The following TEC variants were observed in gnomAD, a reference collection of about 807,000 sequenced individuals.
TEC encodes tec protein tyrosine kinase, also known as tyrosine-protein kinase Tec.
A neutral mutation model predicts 93.0 loss-of-function variants in TEC; 72 were observed. That is an observed-to-expected ratio of 0.77 (90% confidence interval 0.64 to 0.94). TEC has a LOEUF of 0.94. TEC is among the 40% of genes least tolerant of loss of function. The pLI is 0.00. For synonymous variants in TEC, 249 were observed against 247.7 expected (o/e 1.01, Z -0.05); for missense variants, 630 against 757.9 (o/e 0.83, Z 1.98).
chr4:48,159,451 G>A (rs1720533788), intron 8 of TEC, among the ~76,000 whole-genome samples: 1 of 152,132 alleles, frequency 6.6e-6, no homozygotes, highest in Non-Finnish European at 1.5e-5. Context: ...GGAGTGCAGT[G>A]GCACGATCTC....
At chr4:48,163,101 T>C (rs944336645) in intron 8 of TEC, among the ~76,000 whole-genome samples, 2 of 152,138 alleles carry the variant, frequency 1.3e-5, no homozygotes, top group African/African-American at 2.4e-5. Context: ...TTATTGGACA[T>C]CCACGTGCCA....
At chr4:48,208,477 A>C (rs1006344082) in intron 2 of TEC, among the ~76,000 whole-genome samples, 1 of 152,074 alleles carries the variant, frequency 6.6e-6, no homozygotes, top group African/African-American at 2.4e-5. Flanking sequence ...CAAAAAAATG[A>C]ATTTGCCCAG....
intron 8 of TEC, among the ~76,000 whole-genome samples, chr4:48,157,668 A>C (rs955836662): frequency 6.6e-5 from 10 of 152,206 alleles, no homozygotes; most frequent in Admixed American, 5.9e-4. Flanking sequence ...GGCATGCGCC[A>C]CCACACCCAG....
chr4:48,231,293 C>T (rs1477577731), intron 1 of TEC, among the ~76,000 whole-genome samples: 1 of 152,222 alleles, frequency 6.6e-6, no homozygotes, highest in East Asian at 1.9e-4. Flanking sequence ...TAAGGAGTCA[C>T]AGGAAAGCTC....
intron 2 of TEC, among the ~76,000 whole-genome samples, chr4:48,178,815 T>C (rs1721436916): frequency 6.6e-6 from 1 of 152,220 alleles, no homozygotes; most frequent in Non-Finnish European, 1.5e-5. Context: ...CACCTGCTGC[T>C]ACTCTAACCC....
intron 8 of TEC, among the ~76,000 whole-genome samples, chr4:48,156,968 T>C (rs1720428378): frequency 6.6e-6 from 1 of 152,196 alleles, no homozygotes; most frequent in South Asian, 2.1e-4. Context: ...TATGTTTCAT[T>C]AAAGTGAGAT....
At chr4:48,242,911 C>T (rs1723957156) in intron 1 of TEC, among the ~76,000 whole-genome samples, 1 of 152,186 alleles carries the variant, frequency 6.6e-6, no homozygotes, top group South Asian at 2.1e-4. Flanking sequence ...CTTACAAACT[C>T]TGTGGGTCTT....
At chr4:48,187,092 ATTC>A (rs1314534654) in intron 2 of TEC, among the ~76,000 whole-genome samples, 3 of 152,238 alleles carry the variant, frequency 2.0e-5, no homozygotes, top group Non-Finnish European at 4.4e-5. Flanking sequence ...ACTAAGAAAA[ATTC>A]TTCTGCCTTG....
At chr4:48,179,368 ATATATATATTTT>A (rs1218424248) in intron 2 of TEC, among the ~76,000 whole-genome samples, 48 of 37,594 alleles carry the variant, frequency 1.3e-3, no homozygotes, top group Admixed American at 7.2e-3. Context: ...ATATATATAT[ATATATATATTTT>A]TTTTTTTTTT....
rs1719469272 is a variant in TEC at position 48,137,375 on chromosome 4, CCTTGTGCTTGG to C, written c.*30_*40del. 17 of 1,540,896 alleles carry C rather than the reference CCTTGTGCTTGG, an allele frequency of 1.1e-5. No individual in the cohort carries two copies. Among genetic ancestry groups the C allele is most frequent in the Non-Finnish European group, 1.5e-5 (17 of 1,117,364 alleles). ...TAAAAGCCACAAAATGCCCATCCTT[CCTTGTGCTTGG>C]GAATCTGGGAGCCACTGGTCACACA... is the stretch of plus-strand genomic sequence containing the variant. On this transcript the variant is annotated 3_prime_UTR_variant, in exon 18 of 18. Coordinates refer to ENST00000381501, the MANE Select transcript of TEC (RefSeq NM_003215.3).
chr4:48,246,884 A>G (rs1229479438), intron 1 of TEC, among the ~76,000 whole-genome samples: 2 of 152,210 alleles, frequency 1.3e-5, no homozygotes. Flanking sequence ...ATAAGCAAGA[A>G]AAGAAAAATA....
rs1720925209 is a variant in TEC, at chr4:48,167,709, T to C, written c.671+69A>G. 5 of 1,445,666 alleles carry C rather than the reference T, an allele frequency of 3.5e-6. No individual in the cohort carries two copies. In the South Asian group the frequency reaches 3.7e-5, roughly 11 times the overall value. 89.6% of individuals were successfully genotyped at this position (1,445,666 alleles called of 1,614,324 possible). Reference sequence around the variant, plus strand: ...CTCATTACACGATAGTTACGACTTATCTACTTCTCACTCAACACTTGACTC... The same window carrying C: ...CTCATTACACGATAGTTACGACTTACCTACTTCTCACTCAACACTTGACTC... On this transcript the variant is annotated intron_variant, in intron 7 of 17. Coordinates refer to ENST00000381501, the MANE Select transcript of TEC (RefSeq NM_003215.3).
intron 6 of TEC, among the ~76,000 whole-genome samples, 199 bp from the exon 7 acceptor site, chr4:48,168,152 A>G (rs1258050361): frequency 6.6e-6 from 1 of 152,144 alleles, no homozygotes; most frequent in African/African-American, 2.4e-5. Context: ...TAATTAACCC[A>G]CTCAAAGTCA....
chr4:48,173,946 T>G (rs1470109956), intron 3 of TEC, among the ~76,000 whole-genome samples: 2 of 152,218 alleles, frequency 1.3e-5, no homozygotes. Flanking sequence ...TTTGAAAATG[T>G]CTACTTCTAC....
rs1720973136 is a variant in TEC at position 48,168,621 on chromosome 4, T to C, written c.460A>G (p.Arg154Gly). ...EKYNLFESSI[R>G]KALPPAPETK... ...TCTGGTGCTGGAGGTAGTGCTTTTC[T>C]TATACCTGAAAATGCCAACAACAAA... is the stretch of plus-strand genomic sequence containing the variant. Residue 154 changes from arginine to glycine, a missense_variant, in exon 6 of 18, where the codon AGA becomes GGA. Arg to Gly is a moderately radical substitution (Grantham distance 125, BLOSUM62 -2). Transcript: ENST00000381501. 3.7e-6 allele frequency: 6 copies of C among 1,601,144 alleles called. No individual in the cohort carries two copies. The highest frequency in any genetic ancestry group is 5.1e-6 in the Non-Finnish European group (6 of 1,177,162).
rs33996960 is a variant in TEC at position 48,264,641 on chromosome 4, A to ATTT, written c.-46+5108_-46+5110dup. 6.3e-3 allele frequency among the ~76,000 whole-genome samples: 915 copies of ATTT among 145,144 alleles called. 6 individuals are homozygous for ATTT. Among genetic ancestry groups the ATTT allele is most frequent in the Non-Finnish European group, 9.2e-3 (615 of 66,508 alleles). On this transcript the variant is annotated intron_variant, in intron 1 of 17. Coordinates refer to ENST00000381501, the MANE Select transcript of TEC (RefSeq NM_003215.3). Reference sequence around the variant, plus strand: ...CGACAAGCTCATCCACATCTTCAGCATTTTTTTTTTTTTTGAGACAGAGTC... The same window carrying ATTT: ...CGACAAGCTCATCCACATCTTCAGCATTTTTTTTTTTTTTTTTGAGACAGAGTC...
chr4:48,268,920 A>T lies in TEC; in HGVS notation c.-46+832T>A, dbSNP rs1724709047. ...ATGAGATTGTTTCCAAACCTGGTAC[A>T]CACCACCATGTTACACGTCCACGGG... is the stretch of plus-strand genomic sequence containing the variant. On this transcript the variant is annotated intron_variant, in intron 1 of 17. Coordinates refer to ENST00000381501, the MANE Select transcript of TEC (RefSeq NM_003215.3). Among the ~76,000 whole-genome samples, 3 of 152,352 alleles carry T rather than the reference A, an allele frequency of 2.0e-5. No individual in the cohort carries two copies. The South Asian group carries it at 6.2e-4, about 32-fold the overall frequency.
chr4:48,142,595 G>C (rs1409344593), intron 14 of TEC, among the ~76,000 whole-genome samples: 2 of 152,186 alleles, frequency 1.3e-5, no homozygotes, highest in African/African-American at 4.8e-5. Flanking sequence ...TTTCTTGCAT[G>C]TTCTTCAAGG....
chr4:48,158,444 A>G (rs1286477928), intron 8 of TEC, among the ~76,000 whole-genome samples: 1 of 152,236 alleles, frequency 6.6e-6, no homozygotes, highest in Non-Finnish European at 1.5e-5. Context: ...GAATGCAATT[A>G]AGAAATATAG....
Sources: gnomAD v4.1 joint callset for allele counts (sites outside exome capture counted in the v4.1 genomes callset) on GRCh38, gnomAD v4.1.1 for gene constraint, MANE v1.5 for transcripts, NCBI Gene and HGNC (gene_info 2026-07-23, HGNC 2026-07-21) for gene names.